The following COG5 variants were observed in gnomAD, a reference collection of about 807,000 sequenced individuals.
COG5 encodes the protein component of oligomeric golgi complex 5.
COG5 carries 86 observed loss-of-function variants against 110.4 expected under a neutral mutation model. The observed-to-expected ratio is 0.78, with a 90% CI of 0.65 to 0.93. The LOEUF (loss-of-function observed/expected upper bound fraction) is 0.93, where lower values mean the gene tolerates loss of function less well. COG5 is among the 40% of genes least tolerant of loss of function. COG5 has a pLI of 0.00. For synonymous variants in COG5, 360 were observed against 334.6 expected (o/e 1.08, Z -0.83); for missense variants, 1,077 against 987.0 (o/e 1.09, Z -1.22).
At chr7:107,473,580 T>C (rs968396262) in intron 6 of COG5, among the ~76,000 whole-genome samples, 5 of 151,954 alleles carry the variant, frequency 3.3e-5, no homozygotes, top group Non-Finnish European at 7.4e-5. Flanking sequence ...TCCTGTTCAT[T>C]TGAAATCTCA....
intron 6 of COG5, among the ~76,000 whole-genome samples, chr7:107,524,159 A>G (rs901818024): frequency 1.3e-5 from 2 of 151,902 alleles, no homozygotes; most frequent in Non-Finnish European, 2.9e-5. Flanking sequence ...GTAACATAAA[A>G]CTCTCCCTTT....
chr7:107,473,350 T>C (rs1158053281), intron 6 of COG5, among the ~76,000 whole-genome samples: 1 of 151,986 alleles, frequency 6.6e-6, no homozygotes. Flanking sequence ...TATTTTAGCA[T>C]AATGTCCCAC....
intron 11 of COG5, among the ~76,000 whole-genome samples, chr7:107,315,412 C>T (rs184956166): frequency 1.1e-4 from 16 of 152,196 alleles, no homozygotes; most frequent in African/African-American, 3.6e-4. Context: ...CTTGTATGAA[C>T]AACTTCTTTG....
At chr7:107,513,459 A>T (rs1411898593) in intron 6 of COG5, among the ~76,000 whole-genome samples, 6 of 152,218 alleles carry the variant, frequency 3.9e-5, no homozygotes, top group Non-Finnish European at 7.3e-5. Context: ...GGGACTGTAA[A>T]CTAGTTCCAC....
intron 6 of COG5, among the ~76,000 whole-genome samples, chr7:107,484,721 T>C (rs1206146184): frequency 6.6e-6 from 1 of 152,260 alleles, no homozygotes; most frequent in African/African-American, 2.4e-5. Flanking sequence ...CTAATGATTA[T>C]AGTTTTCCTC....
At chr7:107,295,058 C>CAT (rs1562955574) in intron 12 of COG5, among the ~76,000 whole-genome samples, 6 of 62,104 alleles carry the variant, frequency 9.7e-5, no homozygotes, top group East Asian at 4.7e-4. Context: ...CACACACACA[C>CAT]ACACACACAT....
intron 11 of COG5, among the ~76,000 whole-genome samples, chr7:107,302,199 A>T (rs1460880305): frequency 2.6e-5 from 4 of 152,226 alleles, no homozygotes; most frequent in African/African-American, 9.6e-5. Context: ...CTATGCAACA[A>T]CAAAAACATA....
chr7:107,232,571 G>A (rs1189615549), intron 18 of COG5, among the ~76,000 whole-genome samples: 3 of 152,144 alleles, frequency 2.0e-5, no homozygotes, highest in Non-Finnish European at 4.4e-5. Flanking sequence ...AAAAAGTTAC[G>A]ATATGAGAAA....
At chr7:107,265,921 G>A (rs1803761381) in intron 14 of COG5, among the ~76,000 whole-genome samples, 3 of 152,014 alleles carry the variant, frequency 2.0e-5, no homozygotes, top group Admixed American at 6.6e-5. Context: ...TGGGCATAGT[G>A]GTTCTTGCCT....
rs150664590 is a variant in COG5, at chr7:107,486,476, G to A, written c.538+40761C>T. Among the ~76,000 whole-genome samples, 34 of 151,210 alleles carry A rather than the reference G, an allele frequency of 2.2e-4. No individual in the cohort carries two copies. The East Asian group carries it at 6.2e-3, about 28-fold the overall frequency. On this transcript the variant is annotated intron_variant, in intron 6 of 21. Transcript: ENST00000297135. ...AATGTCTTCATATTTTTCAAATGTA[G>A]AATTAAGATGCCTTACAAATTACTC... is the stretch of plus-strand genomic sequence containing the variant.
At chr7:107,235,489 G>C (rs1478551578) in intron 18 of COG5, among the ~76,000 whole-genome samples, 1 of 152,240 alleles carries the variant, frequency 6.6e-6, no homozygotes, top group African/African-American at 2.4e-5. Context: ...TGGATCACAA[G>C]GTCAGGAGTT....
intron 6 of COG5, among the ~76,000 whole-genome samples, chr7:107,520,343 A>C (rs1365079952): frequency 6.6e-6 from 1 of 152,212 alleles, no homozygotes; most frequent in Non-Finnish European, 1.5e-5. Context: ...ATAGGAAGAG[A>C]GGAAGTCAAA....
At chr7:107,333,244 A>C (rs568368412) in intron 10 of COG5, among the ~76,000 whole-genome samples, 1 of 152,322 alleles carries the variant, frequency 6.6e-6, no homozygotes, top group East Asian at 1.9e-4. Flanking sequence ...GGATCCTGGC[A>C]AAGCAAATAA....
intron 8 of COG5, 144 bp from the exon 9 acceptor site, chr7:107,362,564 C>A (rs947748525): frequency 1.4e-5 from 9 of 648,866 alleles, no homozygotes; most frequent in Non-Finnish European, 2.5e-5. Flanking sequence ...AGAATCTTAA[C>A]CTTTTATGCT....
At chr7:107,500,062 A>T (rs779433052) in intron 6 of COG5, among the ~76,000 whole-genome samples, 1 of 152,134 alleles carries the variant, frequency 6.6e-6, no homozygotes, top group Non-Finnish European at 1.5e-5. Context: ...GCACTCAACC[A>T]AACTGAGACC....
At chr7:107,213,129 A>T (rs1287582265) in intron 19 of COG5, among the ~76,000 whole-genome samples, 1 of 152,134 alleles carries the variant, frequency 6.6e-6, no homozygotes, top group Non-Finnish European at 1.5e-5. Flanking sequence ...GCACCTGATC[A>T]GAGAGATCAG....
At chr7:107,475,375 G>C (rs767450024) in intron 6 of COG5, 2 of 1,223,552 alleles carry the variant, frequency 1.6e-6, no homozygotes, top group Non-Finnish European at 2.3e-6. Flanking sequence ...AAAAGTCTCA[G>C]TTTCACCAAA....
chr7:107,499,920 C>T (rs1296428961), intron 6 of COG5, among the ~76,000 whole-genome samples: 1 of 152,112 alleles, frequency 6.6e-6, no homozygotes, highest in Non-Finnish European at 1.5e-5. Flanking sequence ...GTCTCCTGAG[C>T]CCAGATGAGT....
At chr7:107,520,398 T>C (rs903603363) in intron 6 of COG5, among the ~76,000 whole-genome samples, 12 of 152,270 alleles carry the variant, frequency 7.9e-5, no homozygotes, top group East Asian at 7.7e-4. Context: ...GAAAACCCCA[T>C]AGTCTCAGCC....
Sources: gnomAD v4.1 joint callset for allele counts (sites outside exome capture counted in the v4.1 genomes callset) on GRCh38, gnomAD v4.1.1 for gene constraint, MANE v1.5 for transcripts, NCBI Gene and HGNC (gene_info 2026-07-23, HGNC 2026-07-21) for gene names.